BACH2: variants seen among roughly 807,000 people sequenced by gnomAD.
BACH2 encodes the protein BACH transcriptional regulator 2.
In BACH2, 5 loss-of-function variants were observed where a neutral mutation model predicts 61.8. The ratio of observed to expected loss-of-function variants is 0.08; its 90% confidence interval spans 0.04 to 0.17. The LOEUF is 0.17. BACH2 is among the 10% of genes least tolerant of loss of function. BACH2 has a pLI of 1.00. For missense variants in BACH2, 824 were observed against 1,091.1 expected, an observed-to-expected ratio of 0.76 and a Z score of 3.45; for synonymous variants, 446 against 440.1, an observed-to-expected ratio of 1.01 and a Z score of -0.17.
intron 4 of BACH2, among the ~76,000 whole-genome samples, chr6:90,098,617 G>A (rs1470169596): frequency 6.6e-6 from 1 of 152,144 alleles, no homozygotes; most frequent in Non-Finnish European, 1.5e-5. Flanking sequence ...CCACATGATA[G>A]CAAGAGCTCA....
rs1403173848 is a variant in BACH2 at position 89,984,856 on chromosome 6, G to GA, written c.243+23745dup. ...CTGCAAAATCTCAAGTTTAACACACGAATCATACTTTCTGCAATACATATT... is the reference window on the plus strand; with the variant it reads ...CTGCAAAATCTCAAGTTTAACACACGAAATCATACTTTCTGCAATACATATT... On this transcript the variant is annotated intron_variant, in intron 6 of 8. Transcript: ENST00000257749. Among the ~76,000 whole-genome samples the GA allele has an allele frequency of 3.3e-5, 5 of 152,138 alleles. No homozygotes were observed. In the South Asian group the frequency reaches 1.0e-3, roughly 32 times the overall value.
chr6:89,997,005 G>GCGCACA (rs1027999857), intron 6 of BACH2, among the ~76,000 whole-genome samples: 66 of 149,622 alleles, frequency 4.4e-4, no homozygotes, highest in African/African-American at 1.6e-3. Context: ...ATGCACACGG[G>GCGCACA]CACACACACA....
intron 5 of BACH2, among the ~76,000 whole-genome samples, chr6:90,069,429 C>A (rs770213493): frequency 1.6e-4 from 24 of 152,246 alleles, no homozygotes; most frequent in African/African-American, 5.1e-4. Context: ...TTTAAAGGCA[C>A]GTATTTAGCA....
chr6:90,164,037 T>C (rs1385289141), intron 4 of BACH2, among the ~76,000 whole-genome samples: 4 of 152,102 alleles, frequency 2.6e-5, no homozygotes, highest in Non-Finnish European at 5.9e-5. Flanking sequence ...ATTCAAAAGC[T>C]AGCAGAAGGC....
intron 4 of BACH2, among the ~76,000 whole-genome samples, chr6:90,150,175 G>C (rs1277588032): frequency 1.3e-5 from 2 of 152,084 alleles, no homozygotes; most frequent in Non-Finnish European, 2.9e-5. Flanking sequence ...GCCCACCCCT[G>C]CAGCGTCTCT....
chr6:90,156,354 C>T (rs981499562), intron 4 of BACH2, among the ~76,000 whole-genome samples: 1 of 152,194 alleles, frequency 6.6e-6, no homozygotes, highest in Non-Finnish European at 1.5e-5. Flanking sequence ...GGAGAGTGTG[C>T]TACTTGCCCA....
intron 6 of BACH2, among the ~76,000 whole-genome samples, chr6:89,984,577 C>G (rs1421442254): frequency 2.6e-5 from 4 of 152,036 alleles, no homozygotes. Context: ...GTACTGAACC[C>G]TAAAAGCCTA....
intron 4 of BACH2, among the ~76,000 whole-genome samples, chr6:90,134,956 A>C (rs1239423858): frequency 6.6e-6 from 1 of 152,174 alleles, no homozygotes; most frequent in Non-Finnish European, 1.5e-5. Context: ...AGATGGCAGG[A>C]AACATGGGAT....
intron 5 of BACH2, among the ~76,000 whole-genome samples, chr6:90,021,800 T>C (rs545230350): frequency 6.6e-6 from 1 of 152,212 alleles, no homozygotes; most frequent in Non-Finnish European, 1.5e-5. Flanking sequence ...AATGGAAAAC[T>C]GCAGTGCTTG....
At chr6:90,284,392 T>C (rs1771953830) in intron 1 of BACH2, among the ~76,000 whole-genome samples, 1 of 152,202 alleles carries the variant, frequency 6.6e-6, no homozygotes, top group Admixed American at 6.5e-5. Context: ...TCTGTTAACC[T>C]TCCTCTTGGA....
chr6:90,092,291 A>AAAAAAAAAAAAAATATATAT, intron 4 of BACH2, among the ~76,000 whole-genome samples: 24 of 113,806 alleles, frequency 2.1e-4, no homozygotes, highest in African/African-American at 4.7e-4. Flanking sequence ...AAAAAAAAAA[A>AAAAAAAAAAAAAATATATAT]ATATATATAT....
chr6:90,022,232 T>C (rs886125978), intron 5 of BACH2, among the ~76,000 whole-genome samples: 1 of 152,236 alleles, frequency 6.6e-6, no homozygotes, highest in Non-Finnish European at 1.5e-5. Context: ...AACCCAAATT[T>C]CCAAAATATC....
rs948772739 is a variant in BACH2, at chr6:90,031,628, T to C, written c.-12-22772A>G. 4.0e-4 allele frequency among the ~76,000 whole-genome samples: 61 copies of C among 152,100 alleles called. No homozygotes were observed. In the South Asian group the frequency reaches 5.4e-3, roughly 13 times the overall value. ...AATTGCTTCAAAGAGAATAAAATAC[T>C]TAGGAATCCAACATACAAGGGATGT... On this transcript the variant is annotated intron_variant, in intron 5 of 8. Transcript: ENST00000257749.
intron 3 of BACH2, among the ~76,000 whole-genome samples, chr6:90,229,010 GTGAGTTCTATCCA>G (rs1770005755): frequency 6.6e-6 from 1 of 152,184 alleles, no homozygotes. Flanking sequence ...GAGTTAAAAA[GTGAGTTCTATCCA>G]TGAGGTGATT....
intron 6 of BACH2, chr6:89,952,244 T>C (rs1774173303): frequency 5.2e-6 from 1 of 190,640 alleles, no homozygotes; most frequent in African/African-American, 2.3e-5. Context: ...GGGGGAGTGT[T>C]GTGACACTTC....
intron 4 of BACH2, among the ~76,000 whole-genome samples, chr6:90,200,200 T>C (rs138799085): frequency 6.6e-6 from 1 of 152,132 alleles, no homozygotes; most frequent in African/African-American, 2.4e-5. Flanking sequence ...AGTATTATTA[T>C]AAAAATGGCT....
chr6:90,063,710 T>C (rs977878617), intron 5 of BACH2, among the ~76,000 whole-genome samples: 6 of 152,224 alleles, frequency 3.9e-5, no homozygotes, highest in Admixed American at 3.3e-4. Context: ...ATGGGAATAC[T>C]ACTACCCACC....
chr6:90,268,512 T>G (rs1273114133), intron 2 of BACH2, among the ~76,000 whole-genome samples: 1 of 152,220 alleles, frequency 6.6e-6, no homozygotes, highest in East Asian at 1.9e-4. Context: ...CTTTAGAATT[T>G]TTTTACAGCA....
At chr6:90,078,775 A>C (rs1781587771) in intron 5 of BACH2, among the ~76,000 whole-genome samples, 1 of 152,180 alleles carries the variant, frequency 6.6e-6, no homozygotes. Context: ...GGAGAGGTTA[A>C]CAGATCAAGG....
Sources: allele counts gnomAD v4.1 joint callset (sites outside exome capture counted in the v4.1 genomes callset), GRCh38; gene constraint gnomAD v4.1.1; transcripts MANE v1.5; gene names NCBI Gene and HGNC (gene_info 2026-07-23, HGNC 2026-07-21).